The following HSD17B4 variants were observed in gnomAD, a reference collection of about 807,000 sequenced individuals.
The protein encoded by HSD17B4 is hydroxysteroid 17-beta dehydrogenase 4, also known as peroxisomal multifunctional enzyme type 2.
In HSD17B4, 70 loss-of-function variants were observed where a neutral mutation model predicts 101.0. That is an observed-to-expected ratio of 0.69 (90% CI 0.57 to 0.85). The LOEUF (loss-of-function observed/expected upper bound fraction) is 0.85, where lower values mean the gene tolerates loss of function less well. Ranked by LOEUF, HSD17B4 falls within the 40% of genes least tolerant of loss-of-function variation. The probability of loss-of-function intolerance (pLI) is 0.00; values close to 1 mark genes in which losing one functional copy is unlikely to be tolerated. For missense variants in HSD17B4, 984 were observed against 892.4 expected, an observed-to-expected ratio of 1.10 and a Z score of -1.31; for synonymous variants, 347 against 297.1, an observed-to-expected ratio of 1.17 and a Z score of -1.73.
At chr5:119,515,373 A>G (rs1752523923) in intron 17 of HSD17B4, among the ~76,000 whole-genome samples, 1 of 152,176 alleles carries the variant, frequency 6.6e-6, no homozygotes, top group Admixed American at 6.5e-5. Flanking sequence ...TGAAAGCCTC[A>G]GAGTAAGTGC....
At chr5:119,470,942 C>T (rs1483869827) in intron 2 of HSD17B4, among the ~76,000 whole-genome samples, 1 of 152,098 alleles carries the variant, frequency 6.6e-6, no homozygotes, top group Non-Finnish European at 1.5e-5. Context: ...AAATTTACCC[C>T]AATATTATTT....
intron 17 of HSD17B4, among the ~76,000 whole-genome samples, chr5:119,517,540 G>A (rs1299426051): frequency 1.3e-5 from 2 of 152,260 alleles, no homozygotes; most frequent in African/African-American, 2.4e-5. Flanking sequence ...CCTGGTGTGG[G>A]ATCCACTGGG....
rs13187421 is a variant in HSD17B4 at position 119,513,884 on chromosome 5, T to A, written c.1438-1097T>A. 3.8e-3 allele frequency among the ~76,000 whole-genome samples: 575 copies of A among 152,290 alleles called. 4 individuals carry two copies. The highest frequency in any genetic ancestry group is 0.01 in the Middle Eastern group (3 of 294). On this transcript the variant is annotated intron_variant, in intron 16 of 23. Transcript: ENST00000510025. ...TGCCCTTTGTATACATGGCATACAA[T>A]GGATTTTGTGGAATAAAAGGTACTC...
chr5:119,501,907 A>T (rs996296136), intron 13 of HSD17B4, 134 bp from the exon 14 acceptor site: 1 of 666,222 alleles, frequency 1.5e-6, no homozygotes, highest in African/African-American at 1.8e-5. Flanking sequence ...AGAAGAAGCC[A>T]AACAGAGATA....
At chr5:119,464,525 C>G (rs1347531308) in intron 2 of HSD17B4, 1 of 152,080 alleles carries the variant, frequency 6.6e-6, no homozygotes, top group Non-Finnish European at 1.5e-5. Flanking sequence ...TCTGTGTTAT[C>G]TATTCTGTTC....
intron 8 of HSD17B4, among the ~76,000 whole-genome samples, chr5:119,483,434 C>T (rs560303202): frequency 1.1e-4 from 17 of 152,192 alleles, no homozygotes; most frequent in African/African-American, 3.9e-4. Flanking sequence ...GTAACAACTT[C>T]CAAGCTCTTT....
At chr5:119,508,270 A>G (rs959421019) in intron 15 of HSD17B4, among the ~76,000 whole-genome samples, 1 of 150,312 alleles carries the variant, frequency 6.7e-6, no homozygotes, top group Admixed American at 6.6e-5. Flanking sequence ...TTTAATTTTT[A>G]CTGTTCTCTC....
intron 22 of HSD17B4, chr5:119,535,628 C>T (rs1459311359): frequency 6.8e-6 from 1 of 148,092 alleles, no homozygotes; most frequent in Non-Finnish European, 1.5e-5. Flanking sequence ...TAATTTTTAA[C>T]CTGGGTTTTT....
At chr5:119,453,135 CCTT>C (rs1286873591) in intron 1 of HSD17B4, among the ~76,000 whole-genome samples, 4 of 152,212 alleles carry the variant, frequency 2.6e-5, no homozygotes, top group Non-Finnish European at 5.9e-5. Context: ...CGTGAGAGGA[CCTT>C]CTTTAAAGAG....
intron 6 of HSD17B4, among the ~76,000 whole-genome samples, chr5:119,477,059 C>T (rs986568423): frequency 2.0e-5 from 3 of 151,932 alleles, no homozygotes; most frequent in African/African-American, 7.3e-5. Context: ...ATGATTATGC[C>T]TTAACTGATG....
At chr5:119,508,660 T>A (rs1751885348) in intron 15 of HSD17B4, among the ~76,000 whole-genome samples, 1 of 152,240 alleles carries the variant, frequency 6.6e-6, no homozygotes. Context: ...GTACAGGAAC[T>A]ATTCTAGTTG....
chr5:119,499,607 C>A, intron 13 of HSD17B4, 54 bp downstream of exon 13: 3 of 937,098 alleles, frequency 3.2e-6, no homozygotes, highest in South Asian at 2.6e-5. Context: ...AAATATTATT[C>A]ATTAATGTCA....
rs145101004 is a variant in HSD17B4, at chr5:119,470,246, A to G, written c.113-3662A>G. ...GCATGGACTCAGGTGCTGAGGTCAT[A>G]GTGGTACCACTGAAACTAGCTGGGG... On this transcript the variant is annotated intron_variant, in intron 2 of 23. Transcript: ENST00000510025. Among the ~76,000 whole-genome samples, 6 of 151,402 alleles carry G rather than the reference A, an allele frequency of 4.0e-5. No individual in the cohort carries two copies. In the East Asian group the frequency reaches 1.2e-3, roughly 30 times the overall value.
intron 12 of HSD17B4, among the ~76,000 whole-genome samples, chr5:119,498,428 T>C (rs1750847003): frequency 6.6e-6 from 1 of 152,248 alleles, no homozygotes; most frequent in Non-Finnish European, 1.5e-5. Context: ...TGCCAACTTC[T>C]ACTTTAGAAT....
At chr5:119,535,846 C>A (rs1754486044) in intron 22 of HSD17B4, 1 of 152,254 alleles carries the variant, frequency 6.6e-6, no homozygotes, top group African/African-American at 2.4e-5. Context: ...AAAACAGTTC[C>A]TTCTTTCTCC....
At chr5:119,476,688 A>G (rs3756512) in intron 6 of HSD17B4, 16 of 985,344 alleles carry the variant, frequency 1.6e-5, no homozygotes, top group Non-Finnish European at 1.9e-5. Context: ...AAGGGGGCCT[A>G]TGTTGGTGCT....
rs1748846433 is a variant in HSD17B4, at chr5:119,478,851, C to T, written c.452C>T (p.Ser151Leu). The T allele has an allele frequency of 1.9e-6, 3 of 1,612,954 alleles. No homozygotes were observed. The highest frequency in any genetic ancestry group is 1.7e-5 in the Admixed American group (1 of 59,934). The change falls in exon 8 of 24, where the codon TCA becomes TTA. Residue 151 changes from serine to leucine, a missense_variant. By Grantham distance (145) the Ser-to-Leu change is moderately radical. Coordinates refer to ENST00000510025, the MANE Select transcript of HSD17B4 (RefSeq NM_000414.4). ...CTTTTTAGGATTATTATGACTTCAT[C>T]AGCTTCAGGAATATATGGCAACTTT... ...QKYGRIIMTS[S>L]ASGIYGNFGQ... is the part of the protein sequence containing the mutation.
At chr5:119,530,038 T>G (rs1753928201) in intron 21 of HSD17B4, 58 bp downstream of exon 21, 2 of 1,018,294 alleles carry the variant, frequency 2.0e-6, no homozygotes, top group South Asian at 2.5e-5. Context: ...TCAGTTAAGG[T>G]GACTTTAAGA....
At chr5:119,535,660 A>AAT (rs1328334226) in intron 22 of HSD17B4, 7 of 136,418 alleles carry the variant, frequency 5.1e-5, no homozygotes, top group African/African-American at 1.8e-4. Flanking sequence ...TGTTATTACT[A>AAT]ATATATATTT....
Sources: allele counts gnomAD v4.1 joint callset (sites outside exome capture counted in the v4.1 genomes callset), GRCh38; gene constraint gnomAD v4.1.1; transcripts MANE v1.5; gene names NCBI Gene and HGNC (gene_info 2026-07-23, HGNC 2026-07-21).